The following CRISP1 variants were observed in gnomAD, a reference collection of about 807,000 sequenced individuals.
CRISP1 encodes the protein cysteine-rich secretory protein 1.
Under a neutral mutation model 33.1 loss-of-function variants are expected in CRISP1, and 44 were observed. The observed-to-expected ratio is 1.33, with a 90% CI of 1.05 to 1.71. The LOEUF is 1.71. Among genes scored for constraint, CRISP1 ranks in the 40% most tolerant of loss-of-function variants. CRISP1 has a pLI of 0.00. For synonymous variants in CRISP1, 103 were observed against 98.7 expected (o/e 1.04, Z -0.26); for missense variants, 390 against 301.2 (o/e 1.29, Z -2.18).
At chr6:49,838,366 T>C in intron 7 of CRISP1, 71 bp downstream of exon 7, 1 of 1,108,854 alleles carries the variant, frequency 9.0e-7, no homozygotes, top group Non-Finnish European at 1.3e-6. Context: ...TTTTTAATGC[T>C]TAATTTAAAG....
rs779085364 is a variant in CRISP1, at chr6:49,840,961, G to A, written c.470C>T (p.Ala157Val). ...VWATSYLIGC[A>V]IASCRQQGSP... ...TCCTTGTTGGCGGCAAGATGCAATG[G>A]CACAGCCAATCAGGTAAGATGTGGC... Residue 157 changes from alanine (A) to valine (V), a missense_variant, in exon 6 of 8, where the codon GCC becomes GTC. Ala to Val is a moderately conservative substitution (Grantham distance 64). Transcript: ENST00000335847. The A allele has an allele frequency of 1.9e-6, 3 of 1,613,744 alleles. No homozygotes were observed. Among genetic ancestry groups the A allele is most frequent in the South Asian group, 2.2e-5 (2 of 91,060 alleles).
At chr6:49,862,408 A>T (rs1032846925) in intron 1 of CRISP1, among the ~76,000 whole-genome samples, 1 of 151,964 alleles carries the variant, frequency 6.6e-6, no homozygotes, top group Non-Finnish European at 1.5e-5. Flanking sequence ...ATATTAGAAA[A>T]ATATATATAT....
intron 5 of CRISP1, among the ~76,000 whole-genome samples, chr6:49,843,365 T>C (rs1180544806): frequency 6.6e-6 from 1 of 152,198 alleles, no homozygotes; most frequent in Non-Finnish European, 1.5e-5. Flanking sequence ...ATTATGCCTC[T>C]TTTTTATATG....
intron 1 of CRISP1, among the ~76,000 whole-genome samples, chr6:49,865,929 G>T (rs1371517066): frequency 6.6e-6 from 1 of 152,104 alleles, no homozygotes; most frequent in Non-Finnish European, 1.5e-5. Flanking sequence ...TCTGATAGAG[G>T]CTGCCTTACA....
At chr6:49,872,162 A>AT (rs1771938747) in intron 1 of CRISP1, among the ~76,000 whole-genome samples, 1 of 152,074 alleles carries the variant, frequency 6.6e-6, no homozygotes. Flanking sequence ...GATGATGAGC[A>AT]TTTTTTCATG....
chr6:49,868,522 T>A (rs1054247882), upstream of CRISP1, among the ~76,000 whole-genome samples: 10 of 152,192 alleles, frequency 6.6e-5, no homozygotes, highest in African/African-American at 2.4e-4. Context: ...ACTCAGAGAT[T>A]GGCTAACAAA....
At chr6:49,876,998 A>G (rs1205295242) in intron 1 of CRISP1, 1 of 151,950 alleles carries the variant, frequency 6.6e-6, no homozygotes, top group African/African-American at 2.4e-5. Context: ...ACATTCACCT[A>G]TGTAACTAAC....
chr6:49,858,295 T>A (rs1771549343), intron 1 of CRISP1, among the ~76,000 whole-genome samples: 1 of 152,168 alleles, frequency 6.6e-6, no homozygotes, highest in African/African-American at 2.4e-5. Flanking sequence ...AAGTATAGAT[T>A]ATTGAATTTG....
chr6:49,840,131 C>T (rs1009241005), intron 6 of CRISP1, among the ~76,000 whole-genome samples: 3 of 152,172 alleles, frequency 2.0e-5, no homozygotes, highest in African/African-American at 7.2e-5. Context: ...TGATATTGAA[C>T]TGGCATTTGT....
chr6:49,863,648 T>C (rs1771716741), intron 1 of CRISP1, among the ~76,000 whole-genome samples: 1 of 152,216 alleles, frequency 6.6e-6, no homozygotes, highest in Non-Finnish European at 1.5e-5. Context: ...GTTAATATTT[T>C]GTGAGAGGAA....
intron 2 of CRISP1, among the ~76,000 whole-genome samples, chr6:49,853,323 T>C (rs1771406247): frequency 6.6e-6 from 1 of 152,170 alleles, no homozygotes; most frequent in Non-Finnish European, 1.5e-5. Flanking sequence ...AACATTTATT[T>C]AACATCCTAT....
intron 3 of CRISP1, among the ~76,000 whole-genome samples, chr6:49,850,030 T>C (rs556699719): frequency 1.5e-5 from 2 of 135,726 alleles, no homozygotes; most frequent in East Asian, 2.2e-4. Context: ...TTCTCACTCA[T>C]AGGTGGGAAT....
chr6:49,842,147 T>A (rs981147147), intron 5 of CRISP1, among the ~76,000 whole-genome samples: 1 of 152,230 alleles, frequency 6.6e-6, no homozygotes, highest in Non-Finnish European at 1.5e-5. Context: ...CTTTTAATTA[T>A]CTGCGGCTAA....
Position 49,846,218 on chromosome 6 carries a change from T to C in CRISP1, c.435+302A>G, listed in dbSNP as rs75660309. 8.8e-3 allele frequency among the ~76,000 whole-genome samples: 1,345 copies of C among 152,276 alleles called. 19 individuals carry two copies. Among genetic ancestry groups the C allele is most frequent in the African/African-American group, 0.03 (1,246 of 41,564 alleles). Reference sequence around the variant, plus strand: ...AGAAATCAGGGGTTTCTCTGTATTGTAAGGTACCATTATTTTCACTTTTAC... The same window carrying C: ...AGAAATCAGGGGTTTCTCTGTATTGCAAGGTACCATTATTTTCACTTTTAC... On this transcript the variant is annotated intron_variant, in intron 5 of 7. Coordinates refer to ENST00000335847, the MANE Select transcript of CRISP1 (RefSeq NM_001131.3).
At chr6:49,836,688 A>G (rs1300547152) in intron 7 of CRISP1, among the ~76,000 whole-genome samples, 1 of 152,100 alleles carries the variant, frequency 6.6e-6, no homozygotes, top group Non-Finnish European at 1.5e-5. Context: ...ATTTTAGTGA[A>G]TATCCTTCTA....
intron 7 of CRISP1, among the ~76,000 whole-genome samples, chr6:49,837,443 T>TA (rs1316285977): frequency 1.7e-5 from 2 of 115,446 alleles, no homozygotes; most frequent in Admixed American, 1.6e-4. Context: ...ACTGGTTGAT[T>TA]TTTTTTTTTT....
At chr6:49,836,931 C>G in intron 7 of CRISP1, among the ~76,000 whole-genome samples, 1 of 152,016 alleles carries the variant, frequency 6.6e-6, no homozygotes, top group South Asian at 2.1e-4. Flanking sequence ...CTATCTTTAT[C>G]CTACTTTATT....
chr6:49,848,224 C>A lies in CRISP1; in HGVS notation c.271G>T (p.Glu91Ter). ...ACACACTTACTTGGAAGTCTCCTCT[C>A]AAGGGGGTTGCTCTCTGTCATATCA... The part of the protein sequence containing the change: ...YCDMTESNPL[E>*]RRLPNTFCGE... Residue 91 changes from glutamate to a stop codon, truncating the protein, a stop_gained, in exon 4 of 8, where the codon GAG (glutamate) becomes TAG (stop). Coordinates refer to ENST00000335847, the MANE Select transcript of CRISP1 (RefSeq NM_001131.3). LOFTEE classifies it high-confidence loss of function. 1 of 1,593,178 alleles carries A rather than the reference C, an allele frequency of 6.3e-7. No homozygotes were observed. The highest frequency in any genetic ancestry group is 1.1e-5 in the South Asian group (1 of 87,242).
chr6:49,866,975 C>G (rs542618817), upstream of CRISP1, among the ~76,000 whole-genome samples: 1 of 152,164 alleles, frequency 6.6e-6, no homozygotes, highest in South Asian at 2.1e-4. Flanking sequence ...GTGTCACATA[C>G]TTGGAGAGGC....
Sources: gnomAD v4.1 joint callset for allele counts (sites outside exome capture counted in the v4.1 genomes callset) on GRCh38, gnomAD v4.1.1 for gene constraint, MANE v1.5 for transcripts, NCBI Gene and HGNC (gene_info 2026-07-23, HGNC 2026-07-21) for gene names.